Variants in PEX1 observed in about 807,000 individuals in gnomAD.
The protein encoded by PEX1 is peroxisomal biogenesis factor 1.
In PEX1, 97 loss-of-function variants were observed where a neutral mutation model predicts 152.5. That is an observed-to-expected ratio of 0.64 (90% CI 0.54 to 0.75). PEX1 has a LOEUF of 0.75. Ranked by LOEUF, PEX1 falls within the 30% of genes least tolerant of loss-of-function variation. The probability of loss-of-function intolerance (pLI) is 0.00; values close to 1 mark genes in which losing one functional copy is unlikely to be tolerated. For synonymous variants in PEX1, 485 were observed against 531.6 expected, an observed-to-expected ratio of 0.91 and a Z score of 1.21; for missense variants, 1,357 against 1,516.3, an observed-to-expected ratio of 0.89 and a Z score of 1.74.
chr7:92,528,080 G>C (rs1313637247), intron 1 of PEX1, among the ~76,000 whole-genome samples: 1 of 152,266 alleles, frequency 6.6e-6, no homozygotes, highest in Non-Finnish European at 1.5e-5. Flanking sequence ...GACGTTTCTA[G>C]GTTCAGTTTC....
At chr7:92,524,266 CTT>C (rs912217791) in intron 1 of PEX1, among the ~76,000 whole-genome samples, 9 of 136,324 alleles carry the variant, frequency 6.6e-5, no homozygotes, top group Non-Finnish European at 6.4e-5. Flanking sequence ...ATGTTTCTTG[CTT>C]TTTTTTTTTT....
Position 92,500,631 on chromosome 7 carries a change from T to C in PEX1, c.2584-793A>G, listed in dbSNP as rs553665081. On this transcript the variant is annotated intron_variant, in intron 15 of 23. Transcript: ENST00000248633. Reference sequence around the variant, plus strand: ...TAACAGTCCTGGGCTGCAATCAACATGTCCCAGGCCCCAGTGGCCACTGTT... The same window carrying C: ...TAACAGTCCTGGGCTGCAATCAACACGTCCCAGGCCCCAGTGGCCACTGTT... 9.8e-5 allele frequency among the ~76,000 whole-genome samples: 15 copies of C among 152,320 alleles called. No homozygotes were observed. In the East Asian group the frequency reaches 2.3e-3, roughly 23 times the overall value.
In PEX1 at chr7:92,522,056, T is replaced by C. The variant is rs753588016; in HGVS notation, c.273+46A>G. 7 of 1,576,042 alleles carry C rather than the reference T, an allele frequency of 4.4e-6. No homozygotes were observed. In the Admixed American group the frequency reaches 1.2e-4, roughly 26 times the overall value. On this transcript the variant is annotated intron_variant, in intron 2 of 23. Transcript: ENST00000248633. ...ACTTTTAATTTTATTTCTATTGCTATATTATGTGATATTAGAAGAAAGTTA... is the reference window on the plus strand; with the variant it reads ...ACTTTTAATTTTATTTCTATTGCTACATTATGTGATATTAGAAGAAAGTTA...
rs760125683 is a variant in PEX1, at chr7:92,519,044, C to T, written c.308G>A (p.Cys103Tyr). The T allele has an allele frequency of 3.9e-5, 62 of 1,610,368 alleles. No homozygotes were observed. The highest frequency in any genetic ancestry group is 5.2e-5 in the Non-Finnish European group (61 of 1,176,920). ...FLKPCSHVVS[C>Y]QQVEVEPLSA... ...GAGGGGTTCCACCTCAACTTGTTGA[C>T]AAGATACCACATGGGAACATGGCTT... Residue 103 changes from cysteine to tyrosine, a missense_variant, in exon 3 of 24, where the codon TGT (cysteine) becomes TAT (tyrosine). Cys to Tyr is a radical substitution (Grantham distance 194). Coordinates refer to ENST00000248633, the MANE Select transcript of PEX1 (RefSeq NM_000466.3).
chr7:92,522,546 T>C (rs1008176234), intron 1 of PEX1, among the ~76,000 whole-genome samples: 1 of 152,188 alleles, frequency 6.6e-6, no homozygotes, highest in Non-Finnish European at 1.5e-5. Flanking sequence ...GAGCCACATA[T>C]AACTATTTGA....
At chr7:92,506,882 A>T in intron 10 of PEX1, 112 bp downstream of exon 10, 1 of 1,005,140 alleles carries the variant, frequency 9.9e-7, no homozygotes, top group Non-Finnish European at 1.6e-6. Flanking sequence ...TATAAACCCT[A>T]TATAATAGAT....
intron 5 of PEX1, among the ~76,000 whole-genome samples, chr7:92,515,180 C>T (rs141217367): frequency 3.5e-4 from 52 of 146,840 alleles, no homozygotes; most frequent in Middle Eastern, 3.6e-3. Context: ...CACTGAAAGA[C>T]ATAAAGACGA....
intron 4 of PEX1, 31 bp from the exon 5 acceptor site, chr7:92,518,073 A>AT: frequency 6.2e-7 from 1 of 1,613,148 alleles, no homozygotes; most frequent in Non-Finnish European, 8.5e-7. Flanking sequence ...ATTAGTGCAC[A>AT]TTCATTTCTA....
intron 1 of PEX1, among the ~76,000 whole-genome samples, chr7:92,523,882 T>C (rs899202603): frequency 6.6e-6 from 1 of 152,008 alleles, no homozygotes; most frequent in African/African-American, 2.4e-5. Flanking sequence ...TTAATTTATT[T>C]ATATCAAAAT....
intron 12 of PEX1, 138 bp downstream of exon 12, chr7:92,504,594 G>C (rs1198609270): frequency 2.3e-6 from 2 of 859,892 alleles, no homozygotes; most frequent in African/African-American, 3.3e-5. Flanking sequence ...GACAACTGTA[G>C]AATGCCATCA....
In PEX1 at chr7:92,513,876, G is replaced by T. The variant is rs1792597851; in HGVS notation, c.1331C>A (p.Ser444Tyr). 1 of 1,601,634 alleles carries T rather than the reference G, an allele frequency of 6.2e-7. No individual in the cohort carries two copies. The highest frequency in any genetic ancestry group is 8.6e-7 in the Non-Finnish European group (1 of 1,169,118). The change falls in exon 6 of 24, where the codon TCT (serine) becomes TAT (tyrosine). Residue 444 changes from serine (S) to tyrosine (Y), a missense_variant. By Grantham distance (144) the Ser-to-Tyr change is moderately radical (BLOSUM62 -2). Transcript: ENST00000248633. ...ATTCTCTCTAGGTTGTAACTTTAGAGATCTTGGAATTTTAGGGGTAACTTC... is the reference window on the plus strand; with the variant it reads ...ATTCTCTCTAGGTTGTAACTTTAGATATCTTGGAATTTTAGGGGTAACTTC... The part of the protein sequence containing the change: ...PVEVTPKIPR[S>Y]LKLQPRENLP...
intron 1 of PEX1, among the ~76,000 whole-genome samples, chr7:92,526,933 T>C (rs560052559): frequency 1.3e-5 from 2 of 152,314 alleles, no homozygotes; most frequent in African/African-American, 4.8e-5. Context: ...CTATAAAACA[T>C]AAATTCTATA....
chr7:92,495,407 T>G (rs915202962), intron 17 of PEX1, among the ~76,000 whole-genome samples: 1 of 152,164 alleles, frequency 6.6e-6, no homozygotes, highest in African/African-American at 2.4e-5. Context: ...TATCTGCTAC[T>G]TGAATGTTTG....
At chr7:92,509,301 A>G (rs371892157) in intron 9 of PEX1, 28 bp downstream of exon 9, 58 of 1,459,140 alleles carry the variant, frequency 4.0e-5, no homozygotes, top group South Asian at 2.3e-4. Context: ...AACATGTCTA[A>G]CATGCTAGTT....
chr7:92,509,191 C>T, intron 9 of PEX1, 138 bp downstream of exon 9: 1 of 662,900 alleles, frequency 1.5e-6, no homozygotes. Flanking sequence ...TAGAGACAAT[C>T]CTTGAAAAAA....
At chr7:92,488,266 G>A (rs1313289162) in intron 23 of PEX1, among the ~76,000 whole-genome samples, 1 of 152,130 alleles carries the variant, frequency 6.6e-6, no homozygotes, top group Non-Finnish European at 1.5e-5. Flanking sequence ...TGCTTTGGGA[G>A]GTGGTGGGCT....
rs763767937 is a variant in PEX1 at position 92,491,505 on chromosome 7, A to G, written c.3208-3T>C. 15 of 1,557,096 alleles carry G rather than the reference A, an allele frequency of 9.6e-6. No homozygotes were observed. The Middle Eastern group carries it at 5.0e-4, about 52-fold the overall frequency. On this transcript the variant is annotated splice_region_variant and splice_polypyrimidine_tract_variant and intron_variant, in intron 20 of 23. Coordinates refer to ENST00000248633, the MANE Select transcript of PEX1 (RefSeq NM_000466.3). ...CTATCAGAGCTGGAACTTCCATCCT[A>G]AAATACACAAAAGGACAACCAGTTT...
intron 7 of PEX1, among the ~76,000 whole-genome samples, 156 bp from the exon 8 acceptor site, chr7:92,511,203 G>A (rs1470673844): frequency 6.6e-6 from 1 of 151,716 alleles, no homozygotes; most frequent in African/African-American, 2.4e-5. Flanking sequence ...GCAGTGGCAG[G>A]AACACAGACC....
chr7:92,515,926 G>A (rs1016577474), intron 5 of PEX1, among the ~76,000 whole-genome samples: 8 of 151,654 alleles, frequency 5.3e-5, no homozygotes, highest in Non-Finnish European at 1.0e-4. Flanking sequence ...CCTGGGAGGT[G>A]GAGGTTGTAG....
Sources: gnomAD v4.1 joint callset for allele counts (sites outside exome capture counted in the v4.1 genomes callset) on GRCh38, gnomAD v4.1.1 for gene constraint, MANE v1.5 for transcripts, NCBI Gene and HGNC (gene_info 2026-07-23, HGNC 2026-07-21) for gene names.